The following PLCL2 variants were observed in gnomAD, a reference collection of about 807,000 sequenced individuals.
The protein encoded by PLCL2 is phospholipase C like 2.
A neutral mutation model predicts 79.6 loss-of-function variants in PLCL2; 4 were observed. The ratio of observed to expected loss-of-function variants is 0.05; its 90% CI spans 0.02 to 0.11. PLCL2 has a LOEUF of 0.11. PLCL2 is among the 10% of genes least tolerant of loss of function. The pLI is 1.00. For synonymous variants in PLCL2, 484 were observed against 457.7 expected (o/e 1.06, Z -0.73); for missense variants, 895 against 1,291.0 (o/e 0.69, Z 4.70).
intron 1 of PLCL2, among the ~76,000 whole-genome samples, chr3:16,962,754 A>G (rs1453153234): frequency 6.6e-6 from 1 of 152,186 alleles, no homozygotes; most frequent in Non-Finnish European, 1.5e-5. Context: ...AGAAAAATTA[A>G]CGAATAAAAG....
intron 3 of PLCL2, among the ~76,000 whole-genome samples, chr3:17,032,039 C>T (rs565983915): frequency 1.3e-3 from 177 of 141,512 alleles, no homozygotes; most frequent in African/African-American, 4.5e-3. Context: ...CTGTTTATTT[C>T]GTGAAATAAG....
intron 1 of PLCL2, among the ~76,000 whole-genome samples, chr3:16,924,715 C>A (rs1697203778): frequency 6.6e-6 from 1 of 152,158 alleles, no homozygotes; most frequent in African/African-American, 2.4e-5. Flanking sequence ...TTTCTCCTTT[C>A]ACTCTATAAG....
At chr3:16,958,460 T>TA (rs57499245) in intron 1 of PLCL2, among the ~76,000 whole-genome samples, 2,725 of 152,186 alleles carry the variant, frequency 0.018, 94 homozygotes, top group African/African-American at 0.062. Flanking sequence ...AAGACTGTAA[T>TA]AAAAAAAGTG....
chr3:17,024,049 C>T (rs1047726324), intron 3 of PLCL2, among the ~76,000 whole-genome samples: 1 of 152,148 alleles, frequency 6.6e-6, no homozygotes, highest in Admixed American at 6.6e-5. Context: ...AAATATCTCC[C>T]AGAGAAAGGC....
At chr3:16,952,549 CA>C (rs2063664637) in intron 1 of PLCL2, among the ~76,000 whole-genome samples, 1 of 151,472 alleles carries the variant, frequency 6.6e-6, no homozygotes, top group African/African-American at 2.4e-5. Flanking sequence ...TTTAAAAAAT[CA>C]TATTTTAAAA....
chr3:16,938,504 G>A (rs1424091953), intron 1 of PLCL2, among the ~76,000 whole-genome samples: 1 of 152,114 alleles, frequency 6.6e-6, no homozygotes, highest in Non-Finnish European at 1.5e-5. Context: ...TAGGCTAAGG[G>A]AAGACAGTAC....
intron 1 of PLCL2, among the ~76,000 whole-genome samples, chr3:16,958,431 TG>T (rs1299309916): frequency 6.6e-6 from 1 of 152,160 alleles, no homozygotes; most frequent in African/African-American, 2.4e-5. Flanking sequence ...TAAATGTGGG[TG>T]GGTACAGCAT....
At chr3:16,964,482 C>T (rs983349987) in intron 1 of PLCL2, among the ~76,000 whole-genome samples, 2 of 152,064 alleles carry the variant, frequency 1.3e-5, no homozygotes, top group African/African-American at 2.4e-5. Context: ...AATAAAAATA[C>T]GTGTGCATGT....
In PLCL2 at chr3:17,010,311, C is replaced by T. The variant is rs768185503; in HGVS notation, c.965C>T (p.Ala322Val). The change falls in exon 2 of 6, where the codon GCT (alanine) becomes GTT (valine). Residue 322 changes from alanine to valine, a missense_variant. Ala to Val is a moderately conservative substitution (Grantham distance 64, BLOSUM62 0). This residue lies in a region of PLCL2 where 93 missense variants were observed against 93.2 expected (regional missense o/e 1.00). Coordinates refer to ENST00000615277, the MANE Select transcript of PLCL2 (RefSeq NM_001144382.2). This position sits in a 1 kb window ranked among gnomAD's most constrained non-coding sequence, Gnocchi z 5.8. ...GAATTGCATAAATCAAAGGACAAAG[C>T]TGGTACCGAGGTCACAAAGGAAGAA... is the stretch of plus-strand genomic sequence containing the variant. ...FKELHKSKDKAGTEVTKEEFI... is the reference protein window; with the variant it reads ...FKELHKSKDKVGTEVTKEEFI... The T allele has an allele frequency of 5.6e-6, 9 of 1,613,932 alleles. No homozygotes were observed. Among genetic ancestry groups the T allele is most frequent in the Non-Finnish European group, 4.2e-6 (5 of 1,179,980 alleles).
chr3:16,894,142 A>T (rs961627471), intron 1 of PLCL2, among the ~76,000 whole-genome samples: 7 of 152,146 alleles, frequency 4.6e-5, no homozygotes, highest in African/African-American at 1.7e-4. Context: ...CTAAACTCTG[A>T]TATTCTGTAG....
intron 5 of PLCL2, among the ~76,000 whole-genome samples, chr3:17,082,843 T>C (rs1276113421): frequency 1.3e-5 from 2 of 152,200 alleles, no homozygotes; most frequent in Non-Finnish European, 2.9e-5. Flanking sequence ...TGATTGTATT[T>C]ACATTAAAAG....
chr3:16,897,558 T>G (rs1696512288), intron 1 of PLCL2, among the ~76,000 whole-genome samples: 1 of 152,250 alleles, frequency 6.6e-6, no homozygotes, highest in South Asian at 2.1e-4. Flanking sequence ...ATTGGATGTT[T>G]CACTTTGCTA....
intron 5 of PLCL2, among the ~76,000 whole-genome samples, chr3:17,079,647 TGC>T (rs1278852095): frequency 6.6e-6 from 1 of 152,216 alleles, no homozygotes; most frequent in Admixed American, 6.5e-5. Flanking sequence ...TCCTCCGTGG[TGC>T]TGCCGAGGAG....
chr3:17,084,872 A>G (rs991790698), intron 5 of PLCL2, among the ~76,000 whole-genome samples: 6 of 152,232 alleles, frequency 3.9e-5, no homozygotes, highest in African/African-American at 1.4e-4. Context: ...GGGACAAAGC[A>G]AAGATGTTCT....
Position 16,922,551 on chromosome 3 carries a change from C to T in PLCL2, c.327+37185C>T, listed in dbSNP as rs75525503. Among the ~76,000 whole-genome samples the T allele has an allele frequency of 2.3e-4, 35 of 152,156 alleles. No homozygotes were observed. The East Asian group carries it at 5.2e-3, about 23-fold the overall frequency. On this transcript the variant is annotated intron_variant, in intron 1 of 5. Transcript: ENST00000615277. ...TGTATGCATTTATACTCTTCCTATG[C>T]ATGTATGCATTTTTAACAGAGGGCT...
chr3:16,914,721 C>A (rs1488101889), intron 1 of PLCL2, among the ~76,000 whole-genome samples: 5 of 151,694 alleles, frequency 3.3e-5, no homozygotes, highest in African/African-American at 7.3e-5. Context: ...TAAAATATTT[C>A]TTTATTTATT....
rs1418135691 is a variant in PLCL2, at chr3:16,885,002, G to A, written c.-38G>A. On this transcript the variant is annotated 5_prime_UTR_variant, in exon 1 of 6. Transcript: ENST00000615277. ...GGCGGCGGCGGGGACGCGGGGACGCGAGGACGCGGCTTTGTGCAGGCGGGT... is the reference window on the plus strand; with the variant it reads ...GGCGGCGGCGGGGACGCGGGGACGCAAGGACGCGGCTTTGTGCAGGCGGGT... The A allele has an allele frequency of 3.9e-6, 1 of 254,176 alleles. No homozygotes were observed. Among genetic ancestry groups the A allele is most frequent in the Non-Finnish European group, 7.4e-6 (1 of 135,490 alleles). 15.7% of individuals were successfully genotyped at this position (254,176 alleles called of 1,614,324 possible).
At chr3:17,069,180 G>A (rs2065038439) in intron 5 of PLCL2, among the ~76,000 whole-genome samples, 1 of 152,148 alleles carries the variant, frequency 6.6e-6, no homozygotes, top group Non-Finnish European at 1.5e-5. Context: ...CATAGTGGAG[G>A]GACATGGGGG....
chr3:17,020,961 G>T (rs181235218), intron 3 of PLCL2, among the ~76,000 whole-genome samples: 1 of 152,122 alleles, frequency 6.6e-6, no homozygotes, highest in Non-Finnish European at 1.5e-5. Flanking sequence ...GGAGTCTGCT[G>T]GTTTGGACCA....
Sources: gnomAD v4.1 joint callset for allele counts (sites outside exome capture counted in the v4.1 genomes callset) on GRCh38, gnomAD v4.1.1 for gene constraint, gnomAD v4.1.1 regional missense constraint, Gnocchi (gnomAD v3.1) non-coding constraint, MANE v1.5 for transcripts, NCBI Gene and HGNC (gene_info 2026-07-23, HGNC 2026-07-21) for gene names.